The following MSH3 variants were observed in gnomAD, a reference collection of about 807,000 sequenced individuals.
MSH3 encodes mutS homolog 3.
A neutral mutation model predicts 123.3 loss-of-function variants in MSH3; 106 were observed. That is an observed-to-expected ratio of 0.86 (90% CI 0.73 to 1.01). The LOEUF (loss-of-function observed/expected upper bound fraction) is 1.01. Ranked by LOEUF, MSH3 falls within the 50% of genes least tolerant of loss-of-function variation. The pLI is 0.00. For missense variants in MSH3, 1,459 were observed against 1,347.6 expected (o/e 1.08, Z -1.29); for synonymous variants, 515 against 481.4 (o/e 1.07, Z -0.91).
rs1264367206 is a variant in MSH3, at chr5:80,672,912, C to T, written c.1027+54C>T. On this transcript the variant is annotated intron_variant, in intron 6 of 23. Transcript: ENST00000265081. ...TTAAATGATACAAGGGCTTTGTTGG[C>T]AGGTTTTGTTTGTTTGTTTGTTTGT... 16 of 1,384,718 alleles carry T rather than the reference C, an allele frequency of 1.2e-5. 1 individual carries two copies. In the South Asian group the frequency reaches 1.9e-4, roughly 16 times the overall value. The allele number at this position is 1,384,718 out of a possible 1,614,324, so 85.8% of individuals were successfully genotyped here.
intron 21 of MSH3, among the ~76,000 whole-genome samples, chr5:80,863,923 G>T (rs1284733506): frequency 1.3e-5 from 2 of 152,152 alleles, no homozygotes; most frequent in African/African-American, 4.8e-5. Flanking sequence ...AGACCTAAAA[G>T]GGTGCCTGGC....
intron 2 of MSH3, among the ~76,000 whole-genome samples, chr5:80,662,892 G>C (rs1650678): frequency 0.27 from 40,811 of 151,646 alleles, 5,709 homozygotes; most frequent in Middle Eastern, 0.35. Flanking sequence ...CAGACCAGGT[G>C]GTCTTTGGTA....
In MSH3 at chr5:80,784,212, C is replaced by CAAAAAAAAAAAAAAAAAAAAAA. The variant is rs1192783960; in HGVS notation, c.2436-3347_2436-3326dup. 3.3e-3 allele frequency among the ~76,000 whole-genome samples: 39 copies of CAAAAAAAAAAAAAAAAAAAAAA among 11,980 alleles called. 5 individuals carry two copies. The highest frequency in any genetic ancestry group is 0.018 in the Admixed American group (14 of 786). 7.9% of individuals were successfully genotyped at this position (11,980 alleles called of 152,430 possible). A position where few individuals can be genotyped will look rare whatever the true frequency, so the allele number is the denominator to read the frequency against. On this transcript the variant is annotated intron_variant, in intron 17 of 23. Transcript: ENST00000265081. ...GCGAAAGAGCGAGACTACTACGTCG[C>CAAAAAAAAAAAAAAAAAAAAAA]AAAAAAAAAAAAAAAAAAAAAAAAA...
chr5:80,737,860 C>T (rs1218309856), intron 10 of MSH3, among the ~76,000 whole-genome samples: 1 of 152,090 alleles, frequency 6.6e-6, no homozygotes, highest in African/African-American at 2.4e-5. Flanking sequence ...GGGAATCAAT[C>T]TGATTTAAGA....
intron 8 of MSH3, among the ~76,000 whole-genome samples, chr5:80,693,921 A>G (rs545907320): frequency 1.3e-5 from 2 of 152,252 alleles, no homozygotes; most frequent in Admixed American, 1.3e-4. Flanking sequence ...TGGCCTCCCA[A>G]AGTGCTGGGA....
chr5:80,678,958 T>G lies in MSH3; in HGVS notation c.1205T>G (p.Phe402Cys), dbSNP rs1393912412. ...CAGCCTGCCACAGGCGAGGTTGTGT[T>G]TGATAGTTTCCAGGACTCTGCTTCT... ...GVQPATGEVVFDSFQDSASRS... is the reference protein window; with the variant it reads ...GVQPATGEVVCDSFQDSASRS... Residue 402 changes from phenylalanine (F) to cysteine (C), a missense_variant, in exon 8 of 24, where the codon TTT becomes TGT. Phe to Cys is a radical substitution (Grantham distance 205). Transcript: ENST00000265081. 1 of 1,614,138 alleles carries G rather than the reference T, an allele frequency of 6.2e-7. No individual in the cohort carries two copies.
chr5:80,819,022 A>G (rs1745154198), intron 20 of MSH3, among the ~76,000 whole-genome samples: 1 of 152,194 alleles, frequency 6.6e-6, no homozygotes, highest in East Asian at 1.9e-4. Flanking sequence ...AATACTTCCT[A>G]GATAGTGCTT....
Position 80,854,149 on chromosome 5 carries a change from A to C in MSH3, c.2833A>C (p.Ile945Leu). ...IFTRMGAADN[I>L]YKGQSTFMEE... ...TTGTAGGATGGGTGCTGCAGACAATATATATAAAGGACAGAGTACATTTAT... is the reference window on the plus strand; with the variant it reads ...TTGTAGGATGGGTGCTGCAGACAATCTATATAAAGGACAGAGTACATTTAT... Residue 945 changes from isoleucine (I) to leucine (L), a missense_variant, in exon 21 of 24, where the codon ATA becomes CTA. Coordinates refer to ENST00000265081, the MANE Select transcript of MSH3 (RefSeq NM_002439.5). 1 of 1,613,676 alleles carries C rather than the reference A, an allele frequency of 6.2e-7. No individual in the cohort carries two copies. Among genetic ancestry groups the C allele is most frequent in the South Asian group, 1.1e-5 (1 of 91,058 alleles).
chr5:80,823,232 T>C (rs941311274), intron 20 of MSH3, among the ~76,000 whole-genome samples: 1 of 152,196 alleles, frequency 6.6e-6, no homozygotes, highest in African/African-American at 2.4e-5. Flanking sequence ...CTTATGTAAA[T>C]TTTTAAATTT....
chr5:80,736,729 A>G (rs571727450), intron 10 of MSH3, among the ~76,000 whole-genome samples: 8 of 152,280 alleles, frequency 5.3e-5, no homozygotes, highest in African/African-American at 1.9e-4. Flanking sequence ...CATAGAAACC[A>G]TGGGTGCTGA....
intron 12 of MSH3, among the ~76,000 whole-genome samples, chr5:80,756,244 GAAAGA>G (rs1261475964): frequency 6.6e-6 from 1 of 151,910 alleles, no homozygotes; most frequent in Non-Finnish European, 1.5e-5. Context: ...CAAAAAGAAA[GAAAGA>G]AAAGAAAACA....
At chr5:80,719,690 C>G (rs1487923610) in intron 8 of MSH3, among the ~76,000 whole-genome samples, 1 of 152,226 alleles carries the variant, frequency 6.6e-6, no homozygotes, top group Non-Finnish European at 1.5e-5. Context: ...TGTAATATAT[C>G]TGCATCATCA....
At chr5:80,855,227 TTC>T (rs1435948429) in intron 21 of MSH3, among the ~76,000 whole-genome samples, 3 of 152,162 alleles carry the variant, frequency 2.0e-5, no homozygotes, top group Non-Finnish European at 4.4e-5. Flanking sequence ...GGTCTTTCCC[TTC>T]TCTGGTCTTT....
chr5:80,707,538 C>T (rs1750750675), intron 8 of MSH3, among the ~76,000 whole-genome samples: 1 of 151,232 alleles, frequency 6.6e-6, no homozygotes, highest in African/African-American at 2.4e-5. Context: ...GCCTGGGCAA[C>T]ATAGTGAGAC....
intron 8 of MSH3, among the ~76,000 whole-genome samples, chr5:80,705,280 T>C (rs1463109995): frequency 6.6e-6 from 1 of 152,218 alleles, no homozygotes; most frequent in African/African-American, 2.4e-5. Flanking sequence ...GTTCTAATCT[T>C]AGCTGTACAT....
intron 13 of MSH3, among the ~76,000 whole-genome samples, chr5:80,763,917 C>CG (rs973756288): frequency 3.3e-5 from 5 of 152,328 alleles, no homozygotes; most frequent in African/African-American, 1.2e-4. Flanking sequence ...AGTTTACTAA[C>CG]GGAACTTATA....
At chr5:80,849,021 G>A (rs755831739) in intron 20 of MSH3, among the ~76,000 whole-genome samples, 1 of 152,184 alleles carries the variant, frequency 6.6e-6, no homozygotes, top group South Asian at 2.1e-4. Context: ...GGGGGTACAG[G>A]CATTGGGCAA....
At chr5:80,721,688 T>A (rs1223348095) in intron 8 of MSH3, among the ~76,000 whole-genome samples, 1 of 152,206 alleles carries the variant, frequency 6.6e-6, no homozygotes, top group Non-Finnish European at 1.5e-5. Context: ...TTTAGTTTGG[T>A]TATTAAAGTC....
intron 20 of MSH3, among the ~76,000 whole-genome samples, chr5:80,827,670 G>A (rs938877352): frequency 6.6e-6 from 1 of 152,120 alleles, no homozygotes; most frequent in African/African-American, 2.4e-5. Context: ...TTCTTTAACT[G>A]TGTCTAGCAA....
Sources: gnomAD v4.1 joint callset for allele counts (sites outside exome capture counted in the v4.1 genomes callset) on GRCh38, gnomAD v4.1.1 for gene constraint, MANE v1.5 for transcripts, NCBI Gene and HGNC (gene_info 2026-07-23, HGNC 2026-07-21) for gene names.